The following CCM2 variants were observed in gnomAD, a reference collection of about 807,000 sequenced individuals.
The protein encoded by CCM2 is cerebral cavernous malformations 2 protein.
CCM2 carries 25 observed loss-of-function variants against 44.9 expected under a neutral mutation model. The observed-to-expected ratio is 0.56, with a 90% CI of 0.41 to 0.78. The LOEUF is 0.78. CCM2 is among the 30% of genes least tolerant of loss of function. The pLI is 0.00. For synonymous variants in CCM2, 219 were observed against 241.1 expected (o/e 0.91, Z 0.85); for missense variants, 481 against 580.6 (o/e 0.83, Z 1.76).
intron 5 of CCM2, among the ~76,000 whole-genome samples, chr7:45,069,140 CTTTG>C (rs1474569545): frequency 1.3e-5 from 2 of 152,226 alleles, no homozygotes; most frequent in Non-Finnish European, 2.9e-5. Flanking sequence ...CACTTAACAC[CTTTG>C]TTTAATTTCC....
At chr7:45,011,843 C>T (rs1259255330) in intron 1 of CCM2, among the ~76,000 whole-genome samples, 2 of 152,180 alleles carry the variant, frequency 1.3e-5, no homozygotes, top group Non-Finnish European at 2.9e-5. Context: ...TGTAAGCCAT[C>T]GTGCCCTGCC....
At chr7:45,075,021 T>G (rs1799275040) in intron 9 of CCM2, among the ~76,000 whole-genome samples, 1 of 152,232 alleles carries the variant, frequency 6.6e-6, no homozygotes. Flanking sequence ...CTGGCCTGTT[T>G]TCCCTGCAAA....
At position 45,038,355 on chromosome 7, in the gene CCM2, G is replaced by C; in HGVS notation, c.133G>C (p.Val45Leu). ...KVTERRPLHT[V>L]VLSLPERVEP... ...GACAGAGAGGCGCCCTCTGCACACT[G>C]TGGTGTTGTCATTGCCTGAGCGCGT... The change falls in exon 2 of 10, where the codon GTG becomes CTG. Residue 45 changes from valine to leucine, a missense_variant. Physicochemically the swap from Val to Leu is conservative, Grantham distance 32 (BLOSUM62 1). Coordinates refer to ENST00000258781, the MANE Select transcript of CCM2 (RefSeq NM_031443.4). 1 of 1,614,196 alleles carries C rather than the reference G, an allele frequency of 6.2e-7. No individual in the cohort carries two copies. Among genetic ancestry groups the C allele is most frequent in the Middle Eastern group, 1.6e-4 (1 of 6,062 alleles).
chr7:45,002,789 G>T (rs1234232561), intron 1 of CCM2, among the ~76,000 whole-genome samples: 1 of 152,154 alleles, frequency 6.6e-6, no homozygotes, highest in African/African-American at 2.4e-5. Context: ...TGTGTCCCAT[G>T]AAACTCACTG....
At chr7:45,041,775 T>G (rs530569457) in intron 2 of CCM2, among the ~76,000 whole-genome samples, 6 of 152,270 alleles carry the variant, frequency 3.9e-5, no homozygotes, top group African/African-American at 1.4e-4. Context: ...AACAAACCCC[T>G]AAGGAACCTT....
intron 1 of CCM2, among the ~76,000 whole-genome samples, chr7:45,012,255 T>G (rs994042384): frequency 1.3e-5 from 2 of 151,742 alleles, no homozygotes; most frequent in African/African-American, 4.8e-5. Context: ...TGTCTCAGCC[T>G]TCTGAGTAGC....
intron 1 of CCM2, among the ~76,000 whole-genome samples, chr7:45,019,687 A>G (rs761695703): frequency 2.0e-5 from 3 of 152,084 alleles, no homozygotes; most frequent in African/African-American, 4.8e-5. Context: ...GGCTCAAGCA[A>G]TTCTCCTACC....
intron 2 of CCM2, among the ~76,000 whole-genome samples, chr7:45,052,394 G>A (rs1026314730): frequency 2.0e-5 from 3 of 152,172 alleles, no homozygotes; most frequent in African/African-American, 7.2e-5. Context: ...CAGGCTTGGG[G>A]TTTTCTTTCT....
At chr7:45,009,670 C>G (rs903087403) in intron 1 of CCM2, among the ~76,000 whole-genome samples, 9 of 152,224 alleles carry the variant, frequency 5.9e-5, no homozygotes, top group Admixed American at 2.6e-4. Context: ...TCCCAAAGTG[C>G]TGGGATTACA....
chr7:45,066,162 C>A (rs1182257347), intron 4 of CCM2, among the ~76,000 whole-genome samples: 3 of 152,152 alleles, frequency 2.0e-5, no homozygotes, highest in Non-Finnish European at 4.4e-5. Flanking sequence ...AACAGGACTT[C>A]TGGTCTTTGA....
intron 9 of CCM2, 42 bp downstream of exon 9, chr7:45,074,450 C>T (rs1466043626): frequency 6.5e-7 from 1 of 1,543,130 alleles, no homozygotes; most frequent in Non-Finnish European, 8.9e-7. Flanking sequence ...CCAAACCTGG[C>T]TTGGAGAGGC....
At chr7:45,058,754 G>A (rs1031416283) in intron 2 of CCM2, among the ~76,000 whole-genome samples, 1 of 151,858 alleles carries the variant, frequency 6.6e-6, no homozygotes, top group Non-Finnish European at 1.5e-5. Context: ...TTTTTCTTTA[G>A]CCAGTTGATG....
Position 45,068,537 on chromosome 7 carries a change from C to T in CCM2, c.567C>T (p.Pro189=), listed in dbSNP as rs780931748. 6.2e-6 allele frequency: 10 copies of T among 1,614,124 alleles called. No homozygotes were observed. Among genetic ancestry groups the T allele is most frequent in the Middle Eastern group, 1.6e-4 (1 of 6,062 alleles). ...CCCTGTCGGAGAGTGCAGTTGGGCCCGTGGAGGCATGCTGCCTGGTCATCC... is the reference window on the plus strand; with the variant it reads ...CCCTGTCGGAGAGTGCAGTTGGGCCTGTGGAGGCATGCTGCCTGGTCATCC... The part of the protein sequence containing the change: ...AGSLSESAVG[P]VEACCLVILA... The change falls in exon 5 of 10, where the codon CCC becomes CCT. Residue 189 remains proline, a synonymous_variant. Transcript: ENST00000258781.
chr7:45,044,358 G>A (rs1405485772), intron 2 of CCM2, among the ~76,000 whole-genome samples: 4 of 152,102 alleles, frequency 2.6e-5, no homozygotes, highest in Non-Finnish European at 4.4e-5. Flanking sequence ...GGATGGTCTC[G>A]ATCTCCTGAC....
chr7:45,023,811 T>TGG (rs1796581210), intron 1 of CCM2, among the ~76,000 whole-genome samples: 1 of 140,752 alleles, frequency 7.1e-6, no homozygotes, highest in African/African-American at 2.6e-5. Context: ...TTTTTTTTTT[T>TGG]TTTTTTTTTT....
At chr7:45,054,003 G>A (rs2128741929) in intron 2 of CCM2, among the ~76,000 whole-genome samples, 1 of 152,168 alleles carries the variant, frequency 6.6e-6, no homozygotes, top group Middle Eastern at 3.4e-3. Context: ...CCCTTCTCAG[G>A]GTGTTAAATG....
chr7:45,073,928 T>C (rs1799214274), intron 8 of CCM2: 1 of 517,814 alleles, frequency 1.9e-6, no homozygotes, highest in South Asian at 2.2e-5. Flanking sequence ...GTCTTCCTGA[T>C]TTGCCTGTGT....
chr7:45,043,397 A>G (rs528634813), intron 2 of CCM2, among the ~76,000 whole-genome samples: 3 of 152,240 alleles, frequency 2.0e-5, no homozygotes, highest in Non-Finnish European at 4.4e-5. Flanking sequence ...ATTAGGTAAC[A>G]TATTCAGCAA....
chr7:45,042,287 C>A (rs537017581), intron 2 of CCM2, among the ~76,000 whole-genome samples: 1 of 90,870 alleles, frequency 1.1e-5, no homozygotes, highest in Admixed American at 1.1e-4. Flanking sequence ...GTGCCGTTCC[C>A]TTCCCTTCTG....
Sources: allele counts gnomAD v4.1 joint callset (sites outside exome capture counted in the v4.1 genomes callset), GRCh38; gene constraint gnomAD v4.1.1; transcripts MANE v1.5; gene names NCBI Gene and HGNC (gene_info 2026-07-23, HGNC 2026-07-21).